SCN9A: variants seen among roughly 807,000 people sequenced by gnomAD.
SCN9A encodes sodium channel protein type 9 subunit alpha.
SCN9A carries 131 observed loss-of-function variants against 187.0 expected under a neutral mutation model. The observed-to-expected ratio is 0.70, with a 90% CI of 0.61 to 0.81. SCN9A has a LOEUF of 0.81. SCN9A is among the 30% of genes least tolerant of loss of function. The pLI is 0.00. For synonymous variants in SCN9A, 809 were observed against 808.6 expected (o/e 1.00, Z -0.01); for missense variants, 2,252 against 2,396.6 (o/e 0.94, Z 1.26).
chr2:166,248,909 A>T (rs141821292), intron 18 of SCN9A, among the ~76,000 whole-genome samples: 1,815 of 152,060 alleles, frequency 0.012, 18 homozygotes, highest in Non-Finnish European at 0.017. Context: ...GCCTCAAGTG[A>T]TCGCCCACCT....
At chr2:166,282,914 TC>T (rs994034879) in intron 12 of SCN9A, among the ~76,000 whole-genome samples, 3 of 152,180 alleles carry the variant, frequency 2.0e-5, no homozygotes, top group Admixed American at 1.3e-4. Flanking sequence ...CAAATTATTT[TC>T]CATGTAGACA....
Position 166,228,974 on chromosome 2 carries a change from T to C in SCN9A, c.3925-2A>G, listed in dbSNP as rs532631248. 1 of 1,606,210 alleles carries C rather than the reference T, an allele frequency of 6.2e-7. No individual in the cohort carries two copies. The highest frequency in any genetic ancestry group is 1.7e-5 in the Admixed American group (1 of 59,704). ...TCCTATGAGTGCATTCACAACGACC[T>C]AGTATTCAAAAGAAAGAAAAGCATG... On this transcript the variant is annotated splice_acceptor_variant, in intron 21 of 26. Transcript: ENST00000642356. LOFTEE classifies it high-confidence loss of function.
chr2:166,349,318 A>G (rs1699978030), intron 1 of SCN9A, among the ~76,000 whole-genome samples: 1 of 152,234 alleles, frequency 6.6e-6, no homozygotes, highest in Admixed American at 6.5e-5. Flanking sequence ...TACTTTAAAA[A>G]GAAGGAAACA....
Position 166,340,163 on chromosome 2 carries a change from A to G in SCN9A, c.-50-28357T>C, listed in dbSNP as rs77151034. 8.2e-3 allele frequency among the ~76,000 whole-genome samples: 1,244 copies of G among 152,294 alleles called. 7 individuals are homozygous for G. Among genetic ancestry groups the G allele is most frequent in the Non-Finnish European group, 0.012 (847 of 68,016 alleles). On this transcript the variant is annotated intron_variant, in intron 1 of 26. Transcript: ENST00000642356. ...TGAAGACAAAAGCCTCAAATAACACATCTTGGGAAGAATGTACTCAGAAAT... is the reference window on the plus strand; with the variant it reads ...TGAAGACAAAAGCCTCAAATAACACGTCTTGGGAAGAATGTACTCAGAAAT...
At chr2:166,229,963 C>A (rs115804173) in intron 21 of SCN9A, among the ~76,000 whole-genome samples, 1 of 152,126 alleles carries the variant, frequency 6.6e-6, no homozygotes, top group Non-Finnish European at 1.5e-5. Context: ...CACTGGGATC[C>A]TTCTTTTCTG....
At chr2:166,297,996 C>T (rs1270343862) in intron 7 of SCN9A, among the ~76,000 whole-genome samples, 1 of 151,976 alleles carries the variant, frequency 6.6e-6, no homozygotes, top group Non-Finnish European at 1.5e-5. Context: ...GTAATTCTGC[C>T]CTTGCTCAGA....
At chr2:166,366,282 G>T (rs142347131) in intron 1 of SCN9A, among the ~76,000 whole-genome samples, 1 of 152,032 alleles carries the variant, frequency 6.6e-6, no homozygotes, top group East Asian at 1.9e-4. Context: ...AAAAGTTTTC[G>T]TGTCCCTTTA....
intron 17 of SCN9A, among the ~76,000 whole-genome samples, chr2:166,257,476 CAT>C (rs1055088895): frequency 5.3e-5 from 8 of 151,614 alleles, no homozygotes; most frequent in South Asian, 2.1e-4. Flanking sequence ...GCTTTTTAAA[CAT>C]GTGGATTTCT....
chr2:166,288,321 A>G, intron 10 of SCN9A, 116 bp downstream of exon 10: 1 of 759,224 alleles, frequency 1.3e-6, no homozygotes, highest in Non-Finnish European at 2.0e-6. Context: ...CAGTTTATAC[A>G]CAAAAATTCA....
At chr2:166,370,211 A>ATCATCATCATCATC (rs1553507670) in intron 1 of SCN9A, among the ~76,000 whole-genome samples, 4 of 92,262 alleles carry the variant, frequency 4.3e-5, no homozygotes, top group African/African-American at 2.3e-4. Context: ...TAATAATAAT[A>ATCATCATCATCATC]ATAATAATAA....
chr2:166,349,458 T>C (rs1699980938), intron 1 of SCN9A, among the ~76,000 whole-genome samples: 1 of 152,250 alleles, frequency 6.6e-6, no homozygotes, highest in Non-Finnish European at 1.5e-5. Context: ...ATTTTATTTA[T>C]TTCAATTTAT....
chr2:166,218,331 G>A (rs144058414), intron 24 of SCN9A, among the ~76,000 whole-genome samples: 12,711 of 151,244 alleles, frequency 0.084, 543 homozygotes, highest in African/African-American at 0.091. Flanking sequence ...AATGGGTGCC[G>A]CACACCAACA....
At chr2:166,320,636 A>G (rs992599531) in intron 1 of SCN9A, among the ~76,000 whole-genome samples, 1 of 152,138 alleles carries the variant, frequency 6.6e-6, no homozygotes, top group Non-Finnish European at 1.5e-5. Flanking sequence ...AACAATATCA[A>G]TCTTCCTATT....
chr2:166,287,190 T>TA (rs1370325141), intron 10 of SCN9A, among the ~76,000 whole-genome samples: 1 of 152,034 alleles, frequency 6.6e-6, no homozygotes, highest in Non-Finnish European at 1.5e-5. Flanking sequence ...TTATAAACAC[T>TA]AAAAAATTCT....
chr2:166,228,812 CT>C lies in SCN9A; in HGVS notation c.4084del (p.Ser1362ValfsTer13), dbSNP rs780686362. The C allele has an allele frequency of 6.2e-7, 1 of 1,613,928 alleles. No individual in the cohort carries two copies. Among genetic ancestry groups the C allele is most frequent in the Non-Finnish European group, 8.5e-7 (1 of 1,179,866 alleles). On this transcript the variant is annotated frameshift_variant, in exon 22 of 27. Transcript: ENST00000642356. LOFTEE classifies it high-confidence loss of function. ...ACATTCGGAACGATTTGGAACTTGA[CT>C]TGCAGGAAACCGTGACCCATCTGTG... Reference protein sequence around the residue: ...NTTDGSRFPASQVPNRSECFA... With the variant: ...NTTDGSRFPAXQVPNRSECFA...
chr2:166,374,330 A>G (rs367720972), intron 1 of SCN9A, among the ~76,000 whole-genome samples: 14 of 152,202 alleles, frequency 9.2e-5, no homozygotes, highest in African/African-American at 2.7e-4. Context: ...TCTTAAGCCA[A>G]ACTATCAGTT....
intron 1 of SCN9A, among the ~76,000 whole-genome samples, chr2:166,324,536 T>C (rs1699318607): frequency 2.0e-5 from 3 of 152,150 alleles, no homozygotes; most frequent in Admixed American, 2.0e-4. Flanking sequence ...TGAAGTACCA[T>C]TAATTTTTAA....
At chr2:166,366,069 C>G (rs1403934119) in intron 1 of SCN9A, among the ~76,000 whole-genome samples, 2 of 152,166 alleles carry the variant, frequency 1.3e-5, no homozygotes, top group African/African-American at 4.8e-5. Context: ...CCCTTGGGAT[C>G]TCTGCCAGGT....
At position 166,290,129 on chromosome 2, in the gene SCN9A, A is replaced by G. The variant is rs573805026; in HGVS notation, c.1108-1486T>C. Among the ~76,000 whole-genome samples the G allele has an allele frequency of 2.3e-3, 348 of 152,056 alleles. 2 individuals carry two copies. Among genetic ancestry groups the G allele is most frequent in the African/African-American group, 8.0e-3 (331 of 41,474 alleles). ...CCCCTCCCTGTGTCCATGTGTTCAA[A>G]TTGTTCAACTCCCACTTATGAGTGA... is the stretch of plus-strand genomic sequence containing the variant. On this transcript the variant is annotated intron_variant, in intron 9 of 26. Coordinates refer to ENST00000642356, the MANE Select transcript of SCN9A (RefSeq NM_001365536.1).
Sources: allele counts gnomAD v4.1 joint callset (sites outside exome capture counted in the v4.1 genomes callset), GRCh38; gene constraint gnomAD v4.1.1; transcripts MANE v1.5; gene names NCBI Gene and HGNC (gene_info 2026-07-23, HGNC 2026-07-21).